The following FGF13 variants were observed in gnomAD, a reference collection of about 807,000 sequenced individuals.
FGF13 encodes fibroblast growth factor homologous factor 2.
FGF13 carries 2 observed loss-of-function variants against 19.5 expected under a neutral mutation model. That is an observed-to-expected ratio of 0.10 (90% confidence interval 0.04 to 0.32). FGF13 has a LOEUF of 0.32. Among genes scored for constraint, FGF13 ranks in the 10% least tolerant of loss-of-function variants. The pLI, the probability that FGF13 is intolerant of heterozygous loss-of-function variation, is 1.00. For missense variants in FGF13, 113 were observed against 192.7 expected, an observed-to-expected ratio of 0.59 and a Z score of 2.45; for synonymous variants, 72 against 76.9, an observed-to-expected ratio of 0.94 and a Z score of 0.33.
chrX:138,819,341 A>T (rs1290583640), intron 3 of FGF13, among the ~76,000 whole-genome samples: 1 of 111,750 alleles, frequency 8.9e-6, no homozygotes, highest in Non-Finnish European at 1.9e-5. Context: ...TAACCTAAGA[A>T]TTCTGAGAAA....
At chrX:139,039,455 AAG>A (rs967194671) in intron 1 of FGF13, among the ~76,000 whole-genome samples, 4 of 112,260 alleles carry the variant, frequency 3.6e-5, no homozygotes, top group African/African-American at 1.3e-4. Context: ...AAAAAAATAA[AAG>A]AGAAATTCGT....
rs142821134 is a variant in FGF13, at chrX:138,985,967, A to T, written c.-112-121317T>A. On this transcript the variant is annotated intron_variant, in intron 1 of 2. Coordinates refer to the FGF13 transcript ENST00000421460. ...TCATATAACTTGGCTACTTGAAGAA[A>T]AAAACAGCAAACAGCACACTGTTTA... is the stretch of plus-strand genomic sequence containing the variant. 9.5e-3 allele frequency among the ~76,000 whole-genome samples: 1,062 copies of T among 111,835 alleles called. 10 individuals are homozygous for T. The highest frequency in any genetic ancestry group is 0.032 in the African/African-American group (986 of 30,798).
chrX:138,937,726 C>T (rs1034546468), intron 1 of FGF13, among the ~76,000 whole-genome samples: 1 of 111,853 alleles, frequency 8.9e-6, no homozygotes, highest in Non-Finnish European at 1.9e-5. Flanking sequence ...GAAAGAGTAA[C>T]TCTAGGTGAA....
At chrX:138,747,917 G>A (rs776346488) in intron 3 of FGF13, among the ~76,000 whole-genome samples, 4 of 110,802 alleles carry the variant, frequency 3.6e-5, no homozygotes, top group Admixed American at 9.6e-5. Context: ...GAAGACGTCC[G>A]CTTGACCTGG....
intron 1 of FGF13, among the ~76,000 whole-genome samples, chrX:139,128,142 C>T (rs1327953803): frequency 9.0e-6 from 1 of 110,544 alleles, no homozygotes; most frequent in African/African-American, 3.3e-5. Flanking sequence ...GATGCAGGTG[C>T]TGCCCTGGTC....
At chrX:138,691,622 C>T (rs144692844) in intron 3 of FGF13, among the ~76,000 whole-genome samples, 1,654 of 111,743 alleles carry the variant, frequency 0.015, 11 homozygotes, top group Non-Finnish European at 0.024. Flanking sequence ...ACATTTGACT[C>T]TTCCAAATCT....
At position 138,704,922 on chromosome X, in the gene FGF13, C is replaced by T. The variant is rs755123104; in HGVS notation, c.299-1835G>A. Among the ~76,000 whole-genome samples, 6 of 112,457 alleles carry T rather than the reference C, an allele frequency of 5.3e-5. No homozygotes were observed. The South Asian group carries it at 1.9e-3, about 35-fold the overall frequency. The stretch of plus-strand genomic sequence containing the variant: ...TGTTTGTCATATCCCTTTCTGTTGA[C>T]GATGTCTTGTTCACAGCAGGTGTTC... On this transcript the variant is annotated intron_variant, in intron 2 of 4. Transcript: ENST00000315930.
intron 1 of FGF13, among the ~76,000 whole-genome samples, chrX:138,946,187 T>C (rs192331422): frequency 1.8e-5 from 2 of 111,772 alleles, no homozygotes; most frequent in Admixed American, 1.9e-4. Flanking sequence ...CAATTAGAAA[T>C]AACACATAGC....
chrX:138,931,165 A>G (rs1196198049), intron 1 of FGF13, among the ~76,000 whole-genome samples: 3 of 112,588 alleles, frequency 2.7e-5, no homozygotes, highest in African/African-American at 9.7e-5. Context: ...GTGCTGTAGG[A>G]GATACCAGAA....
intron 1 of FGF13, among the ~76,000 whole-genome samples, chrX:138,975,680 T>C (rs1021784954): frequency 1.8e-5 from 2 of 111,297 alleles, no homozygotes; most frequent in African/African-American, 6.5e-5. Context: ...GGAGGAAGAA[T>C]GGTGTGAGCA....
At chrX:138,893,504 C>G (rs1325707318) in intron 1 of FGF13, among the ~76,000 whole-genome samples, 1 of 110,711 alleles carries the variant, frequency 9.0e-6, no homozygotes, top group African/African-American at 3.3e-5. Context: ...AATGACTTGC[C>G]CAAGAGTCAC....
At chrX:139,064,141 C>T (rs1302962740) in intron 1 of FGF13, among the ~76,000 whole-genome samples, 1 of 110,317 alleles carries the variant, frequency 9.1e-6, no homozygotes, top group Non-Finnish European at 1.9e-5. Context: ...TATATTTTGT[C>T]AACTATTGCC....
chrX:139,054,237 C>T (rs1378028908), intron 1 of FGF13, among the ~76,000 whole-genome samples: 3 of 105,678 alleles, frequency 2.8e-5, no homozygotes, highest in African/African-American at 1.0e-4. Flanking sequence ...ATTCTCCTGC[C>T]TCAGCCTCCC....
intron 3 of FGF13, among the ~76,000 whole-genome samples, chrX:138,696,541 G>A (rs1284800527): frequency 9.0e-6 from 1 of 111,682 alleles, no homozygotes; most frequent in Non-Finnish European, 1.9e-5. Context: ...ATAGATAATG[G>A]AAAAGCGGTC....
Position 138,733,498 on chromosome X carries a change from A to C in FGF13, c.28+5744T>G, listed in dbSNP as rs908698337. ...AATGGTAACAATCAACCAATGAACAAACCAAAACTTGCTGAAAATCTACTA... is the reference window on the plus strand; with the variant it reads ...AATGGTAACAATCAACCAATGAACACACCAAAACTTGCTGAAAATCTACTA... On this transcript the variant is annotated intron_variant, in intron 1 of 4. Transcript: ENST00000305414. Among the ~76,000 whole-genome samples, 15 of 111,510 alleles carry C rather than the reference A, an allele frequency of 1.3e-4. 1 individual carries two copies. The highest frequency in any genetic ancestry group is 9.6e-4 in the Admixed American group (10 of 10,420).
intron 1 of FGF13, among the ~76,000 whole-genome samples, chrX:139,107,210 G>A (rs1489324280): frequency 1.8e-5 from 2 of 111,639 alleles, no homozygotes; most frequent in East Asian, 5.7e-4. Context: ...CTGGCCCCTG[G>A]TAATAATGCT....
At chrX:139,011,061 G>A (rs1021511745) in intron 1 of FGF13, among the ~76,000 whole-genome samples, 3 of 111,013 alleles carry the variant, frequency 2.7e-5, no homozygotes, top group African/African-American at 6.6e-5. Context: ...TAGAGGAGAT[G>A]GATACATTCC....
chrX:138,927,040 A>G (rs767204631), intron 1 of FGF13, among the ~76,000 whole-genome samples: 1 of 111,830 alleles, frequency 8.9e-6, no homozygotes, highest in South Asian at 3.8e-4. Flanking sequence ...GTCACCTCTT[A>G]GAAAGCCAAG....
rs984472705 is a variant in FGF13, at chrX:138,632,363, T to C, written c.*487A>G. 1 of 112,252 alleles carries C rather than the reference T, an allele frequency of 8.9e-6. No individual in the cohort carries two copies. Among genetic ancestry groups the C allele is most frequent in the African/African-American group, 3.3e-5 (1 of 30,758 alleles). 9.3% of individuals were successfully genotyped at this position (112,252 alleles called of 1,213,427 possible). On this transcript the variant is annotated 3_prime_UTR_variant, in exon 5 of 5. Coordinates refer to ENST00000315930, the MANE Select transcript of FGF13 (RefSeq NM_004114.5). ...ACTATGCCAAAGAAAAGAGTACATG[T>C]GAATCAAGCGTAGATAGAAAACATC...
Sources: allele counts gnomAD v4.1 joint callset (sites outside exome capture counted in the v4.1 genomes callset), GRCh38; gene constraint gnomAD v4.1.1; transcripts MANE v1.5; gene names NCBI Gene and HGNC (gene_info 2026-07-23, HGNC 2026-07-21).